The following MGAM variants were observed in gnomAD, a reference collection of about 807,000 sequenced individuals.
The protein encoded by MGAM is maltase-glucoamylase.
In MGAM, 253 loss-of-function variants were observed where a neutral mutation model predicts 358.8. That is an observed-to-expected ratio of 0.71 (90% CI 0.64 to 0.78). MGAM has a LOEUF of 0.78. Ranked by LOEUF, MGAM falls within the 30% of genes least tolerant of loss-of-function variation. The pLI, the probability that MGAM is intolerant of heterozygous loss-of-function variation, is 0.00. For missense variants in MGAM, 3,080 were observed against 3,432.6 expected (o/e 0.90, Z 2.57); for synonymous variants, 1,105 against 1,227.1 (o/e 0.90, Z 2.08).
Position 142,075,078 on chromosome 7 carries a change from A to G in MGAM, c.5275+905A>G, listed in dbSNP as rs960963218. 1.8e-4 allele frequency among the ~76,000 whole-genome samples: 27 copies of G among 146,234 alleles called. 4 individuals carry two copies. The highest frequency in any genetic ancestry group is 6.1e-4 in the African/African-American group (25 of 41,090). On this transcript the variant is annotated intron_variant, in intron 45 of 70. Transcript: ENST00000475668. ...AGATGAACTTTTTTAGATTCCACAT[A>G]TGAGTGAGACCACGCAGTATTGGAC...
Position 142,092,563 on chromosome 7 carries a change from C to T in MGAM, c.6988C>T (p.Pro2330Ser), listed in dbSNP as rs559620536. 1 of 1,549,220 alleles carries T rather than the reference C, an allele frequency of 6.5e-7. No homozygotes were observed. Among genetic ancestry groups the T allele is most frequent in the Non-Finnish European group, 8.9e-7 (1 of 1,129,072 alleles). The part of the protein sequence containing the change: ...PSSFVNGAVS[P>S]GCRDASLNHP... ...AAGCTTCGTGAATGGGGCAGTTTCT[C>T]CAGGCTGCAGGGATGCCTCTCTGAA... is the stretch of plus-strand genomic sequence containing the variant. The change falls in exon 59 of 71, where the codon CCA becomes TCA. Residue 2330 changes from proline (P) to serine (S), a missense_variant. Around this residue, in one of 5 missense-constraint regions of MGAM, gnomAD observed 932 missense variants for 1,198.2 expected, o/e 0.78. Transcript: ENST00000475668.
Position 142,073,875 on chromosome 7 carries a change from T to A in MGAM, c.5187-210T>A, listed in dbSNP as rs1239238103. Among the ~76,000 whole-genome samples, 11 of 146,530 alleles carry A rather than the reference T, an allele frequency of 7.5e-5. 1 individual carries two copies. Among genetic ancestry groups the A allele is most frequent in the Non-Finnish European group, 1.4e-4 (9 of 64,636 alleles). On this transcript the variant is annotated intron_variant, in intron 44 of 70. Transcript: ENST00000475668. ...TAAATTCTTGCCTCCAACGTAGATG[T>A]TATTGTTAATGTTTGGGGTGTTTCT...
At chr7:141,993,815 T>C (rs527462654), upstream of MGAM, among the ~76,000 whole-genome samples, 2 of 152,232 alleles carry the variant, frequency 1.3e-5, no homozygotes, top group Non-Finnish European at 2.9e-5. Flanking sequence ...ACGCTTATCA[T>C]GTTTTTGAAA....
chr7:142,021,705 C>T lies in MGAM; in HGVS notation c.678C>T (p.Ile226=), dbSNP rs1563120307. The T allele has an allele frequency of 1.9e-6, 3 of 1,613,870 alleles. No individual in the cohort carries two copies. In the South Asian group the frequency reaches 3.3e-5, roughly 18 times the overall value. ...QVEISRQPFS[I]KVTRRSNNRV... ...AAATCTCCAGACAGCCATTTAGCAT[C>T]AAAGTGACCAGAAGAAGCAACAATC... The change falls in exon 6 of 71, where the codon ATC becomes ATT. Residue 226 remains isoleucine, a synonymous_variant. Transcript: ENST00000475668.
upstream of MGAM, among the ~76,000 whole-genome samples, chr7:141,994,643 A>G (rs371169555): frequency 4.6e-5 from 7 of 152,310 alleles, no homozygotes; most frequent in South Asian, 2.1e-4. Flanking sequence ...TGTAATCCCC[A>G]TAATCCCCAT....
At chr7:142,064,353 G>A (rs754144253) in intron 36 of MGAM, 31 bp from the exon 37 acceptor site, 1 of 1,592,006 alleles carries the variant, frequency 6.3e-7, no homozygotes, top group Admixed American at 1.8e-5. Flanking sequence ...AATCAGGGCT[G>A]GGTTTCACCT....
At chr7:142,064,254 C>T in intron 36 of MGAM, 130 bp from the exon 37 acceptor site, 1 of 1,373,062 alleles carries the variant, frequency 7.3e-7, no homozygotes, top group East Asian at 2.5e-5. Flanking sequence ...GCTCATGTCT[C>T]TGGGGAGATG....
At chr7:142,077,899 G>C (rs1813873884) in intron 47 of MGAM, among the ~76,000 whole-genome samples, 1 of 145,562 alleles carries the variant, frequency 6.9e-6, no homozygotes, top group Admixed American at 6.9e-5. Flanking sequence ...ACGCCAATGG[G>C]GGATGCTGGT....
intron 2 of MGAM, among the ~76,000 whole-genome samples, chr7:142,005,954 C>A (rs892242853): frequency 2.6e-4 from 39 of 151,674 alleles, no homozygotes; most frequent in Admixed American, 2.1e-3. Flanking sequence ...TTAACAATAC[C>A]CTTATGTGAA....
At chr7:142,034,886 C>A in intron 16 of MGAM, 45 bp downstream of exon 16, 1 of 1,563,012 alleles carries the variant, frequency 6.4e-7, no homozygotes, top group Middle Eastern at 1.9e-4. Flanking sequence ...AATTCCCAGG[C>A]AACCTCATTC....
chr7:142,047,643 A>C (rs1186125271), intron 21 of MGAM, 142 bp from the exon 22 acceptor site: 1 of 738,418 alleles, frequency 1.4e-6, no homozygotes. Flanking sequence ...GCGCCTGTCA[A>C]TTTTGTGTTT....
In MGAM at chr7:142,092,130, A is replaced by G; in HGVS notation, c.6945+83A>G. ...GTGTATGTACCACTGACCTTCAGTCAAGAGGATAGTCATTGTCCAAGGAAG... is the reference window on the plus strand; with the variant it reads ...GTGTATGTACCACTGACCTTCAGTCGAGAGGATAGTCATTGTCCAAGGAAG... On this transcript the variant is annotated intron_variant, in intron 58 of 70. Coordinates refer to ENST00000475668, the MANE Select transcript of MGAM (RefSeq NM_001365693.1). The G allele has an allele frequency of 2.0e-6, 3 of 1,471,948 alleles. 1 individual carries two copies. The allele number at this position is 1,471,948 out of a possible 1,614,324, so 91.2% of individuals were successfully genotyped here.
intron 3 of MGAM, among the ~76,000 whole-genome samples, chr7:142,011,967 A>G (rs1214920449): frequency 2.0e-5 from 3 of 152,190 alleles, no homozygotes; most frequent in Non-Finnish European, 2.9e-5. Context: ...TACATTTAAG[A>G]TATTTCACAG....
intron 43 of MGAM, among the ~76,000 whole-genome samples, chr7:142,069,923 G>A (rs1813192583): frequency 2.1e-5 from 3 of 145,628 alleles, no homozygotes; most frequent in Non-Finnish European, 4.7e-5. Context: ...GCCAGGTGTG[G>A]TGGCTCACAC....
At chr7:141,993,883 A>G (rs1307530500), upstream of MGAM, among the ~76,000 whole-genome samples, 1 of 152,186 alleles carries the variant, frequency 6.6e-6, no homozygotes, top group Non-Finnish European at 1.5e-5. Context: ...AGAGGCACAA[A>G]CTATAATTTA....
chr7:142,026,462 C>A (rs1806982122), intron 8 of MGAM, among the ~76,000 whole-genome samples: 1 of 152,154 alleles, frequency 6.6e-6, no homozygotes, highest in African/African-American at 2.4e-5. Flanking sequence ...ATACACACAG[C>A]AATTCTCAGT....
At chr7:142,009,511 T>C (rs549222630) in intron 3 of MGAM, among the ~76,000 whole-genome samples, 2 of 152,324 alleles carry the variant, frequency 1.3e-5, no homozygotes, top group South Asian at 4.1e-4. Context: ...ATTCTCAGTA[T>C]GTCACACTAC....
At position 142,093,432 on chromosome 7, in the gene MGAM, G is replaced by T; in HGVS notation, c.7054G>T (p.Gly2352Cys). ...YMPYLESRDR[G>C]LSSKTLCMES... is the part of the protein sequence containing the mutation. ...CTCAGATTTGGAGTCCAGGGACAGG[G>T]GCCTGAGCAGCAAGACCCTGTGCAT... Residue 2352 changes from glycine to cysteine, a missense_variant, in exon 60 of 71, where the codon GGC becomes TGC. Gly to Cys is a radical substitution (Grantham distance 159). Coordinates refer to ENST00000475668, the MANE Select transcript of MGAM (RefSeq NM_001365693.1). The T allele has an allele frequency of 1.3e-6, 2 of 1,538,256 alleles. No individual in the cohort carries two copies. The highest frequency in any genetic ancestry group is 1.8e-6 in the Non-Finnish European group (2 of 1,123,516).
At chr7:142,102,591 A>C in intron 68 of MGAM, 39 bp from the exon 69 acceptor site, 1 of 1,592,476 alleles carries the variant, frequency 6.3e-7, no homozygotes, top group Non-Finnish European at 8.6e-7. Context: ...GTTCTACAGC[A>C]CAGGTCCAGG....
Sources: allele counts gnomAD v4.1 joint callset (sites outside exome capture counted in the v4.1 genomes callset), GRCh38; gene constraint gnomAD v4.1.1; regional missense constraint gnomAD v4.1.1; transcripts MANE v1.5; gene names NCBI Gene and HGNC (gene_info 2026-07-23, HGNC 2026-07-21).